The following PALLD variants were observed in gnomAD, a reference collection of about 807,000 sequenced individuals.
The protein encoded by PALLD is palladin, cytoskeletal associated protein.
Under a neutral mutation model 123.5 loss-of-function variants are expected in PALLD, and 61 were observed. That is an observed-to-expected ratio of 0.49 (90% CI 0.40 to 0.61). The LOEUF (loss-of-function observed/expected upper bound fraction) is 0.61, where lower values mean the gene tolerates loss of function less well. Among genes scored for constraint, PALLD ranks in the 20% least tolerant of loss-of-function variants. The pLI is 0.00. For synonymous variants in PALLD, 465 were observed against 496.4 expected, an observed-to-expected ratio of 0.94 and a Z score of 0.84; for missense variants, 1,273 against 1,377.0, an observed-to-expected ratio of 0.92 and a Z score of 1.20.
intron 2 of PALLD, chr4:168,536,590 C>T (rs1437237159): frequency 2.7e-5 from 4 of 150,344 alleles, no homozygotes; most frequent in African/African-American, 7.6e-5. Context: ...ACCTTCCACA[C>T]AACGCAGCAC....
At chr4:168,760,252 C>T (rs976957210) in intron 10 of PALLD, among the ~76,000 whole-genome samples, 1 of 151,942 alleles carries the variant, frequency 6.6e-6, no homozygotes, top group African/African-American at 2.4e-5. Context: ...GTTCTTTGGC[C>T]TTCTCATCTC....
At chr4:168,645,447 C>G (rs1019406582) in intron 2 of PALLD, among the ~76,000 whole-genome samples, 1 of 152,144 alleles carries the variant, frequency 6.6e-6, no homozygotes, top group African/African-American at 2.4e-5. Flanking sequence ...TGTCACTTAT[C>G]GGGCGGCAAT....
chr4:168,618,014 A>G (rs994185461), intron 2 of PALLD, among the ~76,000 whole-genome samples: 6 of 152,228 alleles, frequency 3.9e-5, no homozygotes, highest in Non-Finnish European at 7.3e-5. Context: ...TTGCAAAGAA[A>G]TCATCAGTAA....
In PALLD at chr4:168,512,365, A is replaced by G. The variant is rs1199677160; in HGVS notation, c.861A>G (p.Arg287=). 1.2e-6 allele frequency: 2 copies of G among 1,613,888 alleles called. No individual in the cohort carries two copies. Among genetic ancestry groups the G allele is most frequent in the Non-Finnish European group, 1.7e-6 (2 of 1,180,028 alleles). ...LRSQEVAEGS[R]VYLECRVTGN... is the part of the protein sequence containing the mutation. ...GCCAAGAAGTAGCAGAAGGGAGCCG[A>G]GTTTATCTGGAGTGTAGAGTCACTG... The change falls in exon 2 of 22, where the codon CGA becomes CGG. Residue 287 remains arginine, a synonymous_variant. Coordinates refer to ENST00000505667, the MANE Select transcript of PALLD (RefSeq NM_001166108.2).
intron 2 of PALLD, among the ~76,000 whole-genome samples, chr4:168,629,156 A>G (rs1775580121): frequency 6.6e-6 from 1 of 151,810 alleles, no homozygotes; most frequent in Non-Finnish European, 1.5e-5. Flanking sequence ...AGCTGGGATT[A>G]CAGGTGCCCG....
chr4:168,635,267 G>A (rs1298547614), intron 2 of PALLD, among the ~76,000 whole-genome samples: 3 of 152,194 alleles, frequency 2.0e-5, no homozygotes, highest in Non-Finnish European at 2.9e-5. Flanking sequence ...AATAAAGCAT[G>A]GTCGATCTTT....
At position 168,711,887 on chromosome 4, in the gene PALLD, C is replaced by A. The variant is rs776010438; in HGVS notation, c.1928C>A (p.Thr643Asn). The change falls in exon 10 of 22, where the codon ACT (threonine) becomes AAT (asparagine). Residue 643 changes from threonine (T) to asparagine (N), a missense_variant. Transcript: ENST00000505667. ...LPTPAVLLSP[T>N]KEPPPLLAKP... ...ACACCAGCTGTCCTGCTTTCACCCA[C>A]TAAGGAGCCACCACCTCTGCTTGCC... 1.2e-6 allele frequency: 2 copies of A among 1,614,118 alleles called. No individual in the cohort carries two copies. Among genetic ancestry groups the A allele is most frequent in the South Asian group, 2.2e-5 (2 of 91,064 alleles).
At chr4:168,888,829 T>A (rs1421331810) in intron 10 of PALLD, among the ~76,000 whole-genome samples, 1 of 151,840 alleles carries the variant, frequency 6.6e-6, no homozygotes, top group Non-Finnish European at 1.5e-5. Flanking sequence ...TAGGAAAAAA[T>A]TCAGCAAGGA....
At chr4:168,631,345 T>G (rs188665850) in intron 2 of PALLD, among the ~76,000 whole-genome samples, 46 of 152,326 alleles carry the variant, frequency 3.0e-4, no homozygotes, top group Middle Eastern at 6.8e-3. Flanking sequence ...GTTTCCTAAA[T>G]GAACAGAGGT....
At chr4:168,685,580 A>C in intron 6 of PALLD, 21 bp downstream of exon 6, 6 of 1,516,644 alleles carry the variant, frequency 4.0e-6, no homozygotes, top group Non-Finnish European at 5.5e-6. Context: ...TGGAAGTCTC[A>C]TTCTCTGTGT....
chr4:168,658,285 GTTTT>G (rs66527351), intron 2 of PALLD, among the ~76,000 whole-genome samples: 9 of 131,642 alleles, frequency 6.8e-5, no homozygotes, highest in African/African-American at 2.7e-4. Context: ...TTTTTATTTG[GTTTT>G]TTTTTTTTTT....
chr4:168,727,346 G>A (rs993249673), intron 10 of PALLD, among the ~76,000 whole-genome samples: 2 of 152,156 alleles, frequency 1.3e-5, no homozygotes, highest in Non-Finnish European at 2.9e-5. Context: ...CCTACCAACA[G>A]TATGTAAGCA....
intron 10 of PALLD, among the ~76,000 whole-genome samples, chr4:168,730,584 G>A (rs2150305807): frequency 6.6e-6 from 1 of 152,174 alleles, no homozygotes; most frequent in South Asian, 2.1e-4. Context: ...CAAGTTGATT[G>A]GAAACTATAT....
Position 168,511,733 on chromosome 4 carries a change from G to T in PALLD, c.229G>T (p.Glu77Ter). Residue 77 changes from glutamate (E) to a stop codon, truncating the protein, a stop_gained, in exon 2 of 22, where the codon GAA becomes TAA. Coordinates refer to ENST00000505667, the MANE Select transcript of PALLD (RefSeq NM_001166108.2). LOFTEE classifies it high-confidence loss of function. ...CAGTACTTCTCCTGCAAGCCTCTGTGAACATCCTTCCCATAAGGAGACCAA... is the reference window on the plus strand; with the variant it reads ...CAGTACTTCTCCTGCAAGCCTCTGTTAACATCCTTCCCATAAGGAGACCAA... The part of the protein sequence containing the change: ...IFSTSPASLC[E>*]HPSHKETKLG... The T allele has an allele frequency of 6.2e-7, 1 of 1,614,166 alleles. No individual in the cohort carries two copies. The highest frequency in any genetic ancestry group is 1.1e-5 in the South Asian group (1 of 91,070).
intron 10 of PALLD, among the ~76,000 whole-genome samples, chr4:168,794,508 A>G (rs1001998512): frequency 9.0e-4 from 121 of 134,374 alleles, no homozygotes; most frequent in African/African-American, 2.5e-3. Context: ...ACACACACGC[A>G]CACACACACA....
intron 10 of PALLD, among the ~76,000 whole-genome samples, chr4:168,761,445 G>C (rs1732810350): frequency 6.6e-6 from 1 of 151,926 alleles, no homozygotes; most frequent in African/African-American, 2.4e-5. Flanking sequence ...TTCTTTGTAA[G>C]GTAGCTAGAA....
intron 10 of PALLD, among the ~76,000 whole-genome samples, chr4:168,726,903 G>A (rs549983171): frequency 6.6e-6 from 1 of 152,184 alleles, no homozygotes; most frequent in East Asian, 1.9e-4. Flanking sequence ...CTGGTAGTTA[G>A]CAGTGTCTGT....
chr4:168,547,069 T>C (rs1253538876), intron 2 of PALLD, among the ~76,000 whole-genome samples: 1 of 151,924 alleles, frequency 6.6e-6, no homozygotes, highest in Non-Finnish European at 1.5e-5. Context: ...CATTTTAGAG[T>C]TCTGATTCTG....
At chr4:168,539,659 T>C (rs1358100303) in intron 2 of PALLD, among the ~76,000 whole-genome samples, 1 of 152,000 alleles carries the variant, frequency 6.6e-6, no homozygotes, top group African/African-American at 2.4e-5. Flanking sequence ...CCTCTCACAA[T>C]TTCTTTTCAT....
Sources: allele counts gnomAD v4.1 joint callset (sites outside exome capture counted in the v4.1 genomes callset), GRCh38; gene constraint gnomAD v4.1.1; transcripts MANE v1.5; gene names NCBI Gene and HGNC (gene_info 2026-07-23, HGNC 2026-07-21).